Variants in PCMTD1 observed in about 807,000 individuals in gnomAD.
PCMTD1 encodes protein-L-isoaspartate O-methyltransferase domain-containing protein 1.
In PCMTD1, 12 loss-of-function variants were observed where a neutral mutation model predicts 37.6. The observed-to-expected ratio is 0.32, with a 90% CI of 0.20 to 0.52. PCMTD1 has a LOEUF of 0.52. Among genes scored for constraint, PCMTD1 ranks in the 20% least tolerant of loss-of-function variants. The probability of loss-of-function intolerance (pLI) is 0.97; values close to 1 mark genes in which losing one functional copy is unlikely to be tolerated. For missense variants in PCMTD1, 235 were observed against 421.3 expected (o/e 0.56, Z 3.87); for synonymous variants, 117 against 135.8 (o/e 0.86, Z 0.96).
chr8:51,875,210 A>G (rs970189308), intron 1 of PCMTD1, among the ~76,000 whole-genome samples: 3 of 152,230 alleles, frequency 2.0e-5, no homozygotes, highest in African/African-American at 7.2e-5. Flanking sequence ...CTTGTAGAAC[A>G]TTTTAAGGAA....
intron 3 of PCMTD1, among the ~76,000 whole-genome samples, chr8:51,842,304 G>A (rs780544639): frequency 6.6e-6 from 1 of 151,886 alleles, no homozygotes; most frequent in Non-Finnish European, 1.5e-5. Flanking sequence ...CAAAACACAG[G>A]AATCAAGCTC....
At chr8:51,889,966 TAACTA>T (rs1230868935) in intron 1 of PCMTD1, among the ~76,000 whole-genome samples, 2 of 88,834 alleles carry the variant, frequency 2.3e-5, no homozygotes, top group African/African-American at 4.2e-5. Context: ...AAACCAGTGA[TAACTA>T]AACAGTGATA....
intron 2 of PCMTD1, among the ~76,000 whole-genome samples, chr8:51,851,505 C>A (rs1203225412): frequency 6.6e-6 from 1 of 152,090 alleles, no homozygotes; most frequent in African/African-American, 2.4e-5. Context: ...AGGTCAAGAA[C>A]AACCTATGAC....
At chr8:51,843,195 A>G (rs1243333696) in intron 3 of PCMTD1, among the ~76,000 whole-genome samples, 1 of 151,826 alleles carries the variant, frequency 6.6e-6, no homozygotes, top group African/African-American at 2.4e-5. Flanking sequence ...AAACCATTGA[A>G]TCCAGCCACT....
At chr8:51,843,124 GAAC>G (rs1378521564) in intron 3 of PCMTD1, among the ~76,000 whole-genome samples, 1 of 151,354 alleles carries the variant, frequency 6.6e-6, no homozygotes, top group Non-Finnish European at 1.5e-5. Flanking sequence ...ACACATGTAA[GAAC>G]AATATCATTT....
intron 1 of PCMTD1, among the ~76,000 whole-genome samples, chr8:51,888,509 G>C (rs370218479): frequency 4.6e-5 from 7 of 152,220 alleles, no homozygotes; most frequent in African/African-American, 1.7e-4. Context: ...AAACAAGCAG[G>C]CCCTGACCTT....
At position 51,829,371 on chromosome 8, in the gene PCMTD1, C is replaced by T. The variant is rs1054799130; in HGVS notation, c.706+2073G>A. Among the ~76,000 whole-genome samples, 4 of 152,300 alleles carry T rather than the reference C, an allele frequency of 2.6e-5. No homozygotes were observed. The South Asian group carries it at 6.2e-4, about 24-fold the overall frequency. On this transcript the variant is annotated intron_variant, in intron 5 of 5. Coordinates refer to ENST00000522514, the MANE Select transcript of PCMTD1 (RefSeq NM_052937.4). ...CACATTCTTCCCAAGGGTGGAGGAA[C>T]GGCTAGGCTTGTATGTTTCAGGTGT...
intron 3 of PCMTD1, among the ~76,000 whole-genome samples, chr8:51,840,218 GT>G (rs1164880095): frequency 3.3e-5 from 5 of 152,054 alleles, no homozygotes; most frequent in Non-Finnish European, 7.4e-5. Flanking sequence ...TCTCCAAACA[GT>G]TTACAGGAAA....
chr8:51,879,163 C>T (rs2038756541), intron 1 of PCMTD1, among the ~76,000 whole-genome samples: 2 of 151,372 alleles, frequency 1.3e-5, no homozygotes, highest in Non-Finnish European at 2.9e-5. Flanking sequence ...ACTGAGCAAT[C>T]AGCAAAGATA....
chr8:51,822,675 A>C (rs2037866036), intron 5 of PCMTD1, among the ~76,000 whole-genome samples: 1 of 152,152 alleles, frequency 6.6e-6, no homozygotes, highest in Non-Finnish European at 1.5e-5. Flanking sequence ...TCCCACCATA[A>C]GCCACCATAA....
chr8:51,833,440 T>C lies in PCMTD1; in HGVS notation c.582+78A>G, dbSNP rs16916867. ...TTCTTTAAAAGTTACAATATACCTT[T>C]CACTGAATAAAATTTCTTAACCTTA... On this transcript the variant is annotated intron_variant, in intron 4 of 5. Transcript: ENST00000522514. 7,166 of 1,185,322 alleles carry C rather than the reference T, an allele frequency of 6.0e-3. 343 individuals carry two copies. The African/African-American group carries it at 0.098, about 16-fold the overall frequency. The allele number at this position is 1,185,322 out of a possible 1,614,324, so 73.4% of individuals were successfully genotyped here.
intron 1 of PCMTD1, among the ~76,000 whole-genome samples, chr8:51,873,030 C>T (rs1037937340): frequency 5.9e-5 from 9 of 152,136 alleles, no homozygotes; most frequent in South Asian, 2.1e-4. Flanking sequence ...AGTTTTTGGA[C>T]TTATAAAATG....
chr8:51,847,765 T>C (rs2038243493), intron 2 of PCMTD1, among the ~76,000 whole-genome samples: 1 of 152,042 alleles, frequency 6.6e-6, no homozygotes. Context: ...ACATGAGATG[T>C]TTACATTTTC....
intron 5 of PCMTD1, among the ~76,000 whole-genome samples, chr8:51,823,281 T>C (rs922252074): frequency 2.0e-5 from 3 of 152,154 alleles, no homozygotes; most frequent in African/African-American, 7.2e-5. Context: ...CTGGGCAACA[T>C]GGTGAAATCC....
At chr8:51,898,859 C>T (rs1013620564) in intron 1 of PCMTD1, 71 bp downstream of exon 1, 1 of 1,233,472 alleles carries the variant, frequency 8.1e-7, no homozygotes, top group Non-Finnish European at 1.0e-6. Flanking sequence ...GCATCCCAGT[C>T]GCCCGCCCGG....
chr8:51,852,084 T>C (rs778297785), intron 2 of PCMTD1, among the ~76,000 whole-genome samples: 4 of 152,202 alleles, frequency 2.6e-5, no homozygotes, highest in Non-Finnish European at 4.4e-5. Context: ...AAATACTCAA[T>C]AAATATTTAC....
chr8:51,851,444 G>A (rs180971091), intron 2 of PCMTD1, among the ~76,000 whole-genome samples: 79 of 152,194 alleles, frequency 5.2e-4, no homozygotes, highest in African/African-American at 1.7e-3. Context: ...CAGATGTCAC[G>A]ATTAGTTCAT....
Position 51,820,314 on chromosome 8 carries a change from A to G in PCMTD1, c.*37T>C. On this transcript the variant is annotated 3_prime_UTR_variant, in exon 6 of 6. Coordinates refer to ENST00000522514, the MANE Select transcript of PCMTD1 (RefSeq NM_052937.4). ...ACAAATGCTACATTTTCAAGACTAA[A>G]GGAATTATCAGTAGGCATTTTTCTT... is the stretch of plus-strand genomic sequence containing the variant. 1 of 1,492,290 alleles carries G rather than the reference A, an allele frequency of 6.7e-7. No individual in the cohort carries two copies. Among genetic ancestry groups the G allele is most frequent in the Non-Finnish European group, 8.9e-7 (1 of 1,121,176 alleles). The allele number at this position is 1,492,290 out of a possible 1,614,324, so 92.4% of individuals were successfully genotyped here.
chr8:51,842,238 C>A (rs982341495), intron 3 of PCMTD1, among the ~76,000 whole-genome samples: 4 of 152,060 alleles, frequency 2.6e-5, no homozygotes, highest in Non-Finnish European at 5.9e-5. Flanking sequence ...AAGACTAAGA[C>A]ATACAAAGTT....
Sources: allele counts gnomAD v4.1 joint callset (sites outside exome capture counted in the v4.1 genomes callset), GRCh38; gene constraint gnomAD v4.1.1; transcripts MANE v1.5; gene names NCBI Gene and HGNC (gene_info 2026-07-23, HGNC 2026-07-21).